CUL1: variants seen among roughly 807,000 people sequenced by gnomAD.
CUL1 encodes the protein cullin 1.
Under a neutral mutation model 118.0 loss-of-function variants are expected in CUL1, and 24 were observed. That is an observed-to-expected ratio of 0.20 (90% CI 0.15 to 0.29). The LOEUF (loss-of-function observed/expected upper bound fraction) is 0.29, where lower values mean the gene tolerates loss of function less well. Among genes scored for constraint, CUL1 ranks in the 10% least tolerant of loss-of-function variants. The pLI, the probability that CUL1 is intolerant of heterozygous loss-of-function variation, is 1.00. For synonymous variants in CUL1, 332 were observed against 340.4 expected (o/e 0.98, Z 0.27); for missense variants, 361 against 933.8 (o/e 0.39, Z 7.99).
chr7:148,759,438 C>T (rs1162771093), intron 5 of CUL1, 84 bp downstream of exon 5: 8 of 1,473,554 alleles, frequency 5.4e-6, no homozygotes, highest in East Asian at 4.5e-5. Context: ...GTCACTCCTT[C>T]GGATTATCCC....
At chr7:148,705,573 C>G (rs535352848) in intron 1 of CUL1, among the ~76,000 whole-genome samples, 1 of 152,148 alleles carries the variant, frequency 6.6e-6, no homozygotes, top group African/African-American at 2.4e-5. Context: ...AAAATAGTTA[C>G]GTGTGCCTAA....
chr7:148,711,890 G>A (rs889057245), intron 1 of CUL1, among the ~76,000 whole-genome samples: 2 of 152,234 alleles, frequency 1.3e-5, no homozygotes, highest in African/African-American at 4.8e-5. Flanking sequence ...CTAAATGGGA[G>A]TTAATAGCGT....
At chr7:148,729,086 TGAG>T (rs1798674454) in intron 1 of CUL1, among the ~76,000 whole-genome samples, 1 of 152,246 alleles carries the variant, frequency 6.6e-6, no homozygotes, top group Admixed American at 6.5e-5. Flanking sequence ...TACTGTGCAT[TGAG>T]AAGTATTGGT....
chr7:148,705,604 C>T (rs1797855037), intron 1 of CUL1, among the ~76,000 whole-genome samples: 3 of 152,038 alleles, frequency 2.0e-5, no homozygotes, highest in South Asian at 4.2e-4. Flanking sequence ...AAAGTCAGAA[C>T]GGGGGAAAAA....
At position 148,787,775 on chromosome 7, in the gene CUL1, T is replaced by C. The variant is rs1278215590; in HGVS notation, c.1479+655T>C. Among the ~76,000 whole-genome samples the C allele has an allele frequency of 6.6e-6, 1 of 152,202 alleles. No individual in the cohort carries two copies. Among genetic ancestry groups the C allele is most frequent in the African/African-American group, 2.4e-5 (1 of 41,456 alleles). On this transcript the variant is annotated intron_variant, in intron 13 of 21. Coordinates refer to ENST00000325222, the MANE Select transcript of CUL1 (RefSeq NM_003592.3). This position sits in a 1 kb window ranked among gnomAD's most constrained non-coding sequence, Gnocchi z 5.5. ...AGCTGAGTGGAGGTTTTGTTTGCTC[T>C]GGGCTTGGTTACTTTGCTGTCACGC...
intron 17 of CUL1, among the ~76,000 whole-genome samples, chr7:148,795,005 G>A (rs1298187498): frequency 6.6e-6 from 1 of 151,156 alleles, no homozygotes; most frequent in Non-Finnish European, 1.5e-5. Context: ...CTAATTTTTT[G>A]TATTTTTAGT....
chr7:148,796,527 C>T (rs1801205626), intron 17 of CUL1, among the ~76,000 whole-genome samples: 1 of 152,172 alleles, frequency 6.6e-6, no homozygotes, highest in Non-Finnish European at 1.5e-5. Context: ...CTTCGAATTA[C>T]TCCTAAATAT....
chr7:148,725,219 G>GCGCGCGCGCGCGCGCACACACACACA, intron 1 of CUL1, among the ~76,000 whole-genome samples: 1 of 140,060 alleles, frequency 7.1e-6, no homozygotes, highest in Admixed American at 7.1e-5. Flanking sequence ...ACACGCGCGC[G>GCGCGCGCGCGCGCGCACACACACACA]CTCACACACA....
intron 1 of CUL1, among the ~76,000 whole-genome samples, chr7:148,720,192 T>A (rs963167724): frequency 6.6e-6 from 1 of 152,134 alleles, no homozygotes; most frequent in African/African-American, 2.4e-5. Flanking sequence ...TAGAAGAAGG[T>A]CCCTGCAGTT....
intron 1 of CUL1, among the ~76,000 whole-genome samples, chr7:148,725,333 C>A (rs2129459462): frequency 6.6e-6 from 1 of 152,222 alleles, no homozygotes. Context: ...GGTGACACAC[C>A]CAGATGCCCC....
chr7:148,722,482 T>A (rs184267307), intron 1 of CUL1, among the ~76,000 whole-genome samples: 42 of 152,296 alleles, frequency 2.8e-4, no homozygotes, highest in Non-Finnish European at 4.4e-5. Context: ...CCTCTCCAGA[T>A]GTGGCTGTTC....
At chr7:148,786,631 T>G in intron 12 of CUL1, 32 bp downstream of exon 12, 2 of 1,574,606 alleles carry the variant, frequency 1.3e-6, no homozygotes, top group South Asian at 1.1e-5. Flanking sequence ...CCATTTCCAG[T>G]AGCTGTGTAT....
intron 9 of CUL1, among the ~76,000 whole-genome samples, chr7:148,769,535 T>C (rs1364290920): frequency 6.6e-6 from 1 of 152,054 alleles, no homozygotes; most frequent in African/African-American, 2.4e-5. Flanking sequence ...CAGTTGTTGA[T>C]TCAGAACTCA....
chr7:148,759,793 CTT>C, intron 6 of CUL1, among the ~76,000 whole-genome samples, 155 bp downstream of exon 6: 1 of 152,190 alleles, frequency 6.6e-6, no homozygotes, highest in East Asian at 1.9e-4. Flanking sequence ...GTCAGTGTGA[CTT>C]TATTTGTTTT....
chr7:148,758,986 C>T (rs1799749181), intron 4 of CUL1, among the ~76,000 whole-genome samples: 1 of 152,150 alleles, frequency 6.6e-6, no homozygotes, highest in Non-Finnish European at 1.5e-5. Context: ...ACCTGCTTGA[C>T]CTAAATGTGT....
intron 1 of CUL1, among the ~76,000 whole-genome samples, chr7:148,713,915 G>A (rs1798129031): frequency 6.6e-6 from 1 of 152,034 alleles, no homozygotes; most frequent in Non-Finnish European, 1.5e-5. Context: ...GTAGAGATGG[G>A]GTTTCACCAT....
At chr7:148,740,456 C>G (rs1009201617) in intron 2 of CUL1, among the ~76,000 whole-genome samples, 1 of 152,236 alleles carries the variant, frequency 6.6e-6, no homozygotes, top group Non-Finnish European at 1.5e-5. Flanking sequence ...TCAACTGTCA[C>G]ATTCAATTTT....
At chr7:148,700,697 T>C (rs1797694319) in intron 1 of CUL1, among the ~76,000 whole-genome samples, 1 of 152,238 alleles carries the variant, frequency 6.6e-6, no homozygotes, top group South Asian at 2.1e-4. Flanking sequence ...CAGGAGAGTG[T>C]TCCTTAAGCT....
chr7:148,726,114 G>GT (rs1222232038), intron 1 of CUL1, among the ~76,000 whole-genome samples: 1 of 152,200 alleles, frequency 6.6e-6, no homozygotes, highest in Admixed American at 6.5e-5. Flanking sequence ...ATGAAAAGTT[G>GT]TATTTGATCT....
Sources: gnomAD v4.1 joint callset for allele counts (sites outside exome capture counted in the v4.1 genomes callset) on GRCh38, gnomAD v4.1.1 for gene constraint, Gnocchi (gnomAD v3.1) non-coding constraint, MANE v1.5 for transcripts, NCBI Gene and HGNC (gene_info 2026-07-23, HGNC 2026-07-21) for gene names.